The following ZSWIM6 variants were observed in gnomAD, a reference collection of about 807,000 sequenced individuals.
The protein encoded by ZSWIM6 is zinc finger SWIM domain-containing protein 6.
A neutral mutation model predicts 113.2 loss-of-function variants in ZSWIM6; 9 were observed. The observed-to-expected ratio is 0.08, with a 90% CI of 0.05 to 0.14. The LOEUF is 0.14. Ranked by LOEUF, ZSWIM6 falls within the 10% of genes least tolerant of loss-of-function variation. The probability of loss-of-function intolerance (pLI) is 1.00; values close to 1 mark genes in which losing one functional copy is unlikely to be tolerated. For synonymous variants in ZSWIM6, 611 were observed against 606.5 expected (o/e 1.01, Z -0.11); for missense variants, 1,162 against 1,552.2 (o/e 0.75, Z 4.22).
At chr5:61,459,953 G>A (rs1368788274) in intron 1 of ZSWIM6, among the ~76,000 whole-genome samples, 1 of 152,162 alleles carries the variant, frequency 6.6e-6, no homozygotes, top group East Asian at 1.9e-4. Flanking sequence ...GTGGTATTCT[G>A]TTTACTCAAA....
At chr5:61,532,287 C>G (rs185442313) in intron 9 of ZSWIM6, among the ~76,000 whole-genome samples, 379 of 152,274 alleles carry the variant, frequency 2.5e-3, no homozygotes, top group Admixed American at 0.01. Flanking sequence ...TTCATAGAAT[C>G]TGAGGCACGG....
intron 2 of ZSWIM6, among the ~76,000 whole-genome samples, chr5:61,478,707 G>GTT (rs1747773736): frequency 1.2e-5 from 1 of 84,194 alleles, no homozygotes; most frequent in African/African-American, 5.6e-5. Flanking sequence ...GTGTGTGTTT[G>GTT]TGTGTGTGTG....
At chr5:61,345,028 G>A (rs372656804) in intron 1 of ZSWIM6, among the ~76,000 whole-genome samples, 3 of 152,156 alleles carry the variant, frequency 2.0e-5, no homozygotes, top group African/African-American at 4.8e-5. Context: ...CAGGTCAGAC[G>A]TGTAATCCAG....
At chr5:61,523,407 C>G (rs1369515643) in intron 5 of ZSWIM6, among the ~76,000 whole-genome samples, 1 of 152,046 alleles carries the variant, frequency 6.6e-6, no homozygotes, top group Non-Finnish European at 1.5e-5. Flanking sequence ...CAATCTATAC[C>G]CTTTGAAAGA....
In ZSWIM6 at chr5:61,530,077, G is replaced by C; in HGVS notation, c.1863G>C (p.Ser621=). 6.4e-7 allele frequency: 1 copy of C among 1,550,876 alleles called. No homozygotes were observed. Among genetic ancestry groups the C allele is most frequent in the Non-Finnish European group, 8.7e-7 (1 of 1,146,576 alleles). ...AGCTACCCCATAAAAACATAACCTC[G>C]ATAACCAATCTGGAGGGCTGGGTTG... The part of the protein sequence containing the change: ...KKELPHKNIT[S]ITNLEGWVGH... Residue 621 remains serine, a synonymous_variant, in exon 8 of 14, where the codon TCG becomes TCC. Coordinates refer to ENST00000252744, the MANE Select transcript of ZSWIM6 (RefSeq NM_020928.2).
intron 1 of ZSWIM6, among the ~76,000 whole-genome samples, chr5:61,343,811 A>G (rs1744597490): frequency 6.6e-6 from 1 of 151,894 alleles, no homozygotes; most frequent in Admixed American, 6.6e-5. Flanking sequence ...TTAAATATGT[A>G]ATATGTTAGC....
At chr5:61,504,033 C>T (rs1421219666) in intron 4 of ZSWIM6, among the ~76,000 whole-genome samples, 2 of 152,092 alleles carry the variant, frequency 1.3e-5, no homozygotes, top group East Asian at 3.8e-4. Flanking sequence ...ATAATTGAAG[C>T]TCAGTAAATA....
intron 1 of ZSWIM6, among the ~76,000 whole-genome samples, chr5:61,467,067 A>G (rs1475985201): frequency 1.3e-5 from 2 of 152,208 alleles, no homozygotes; most frequent in Non-Finnish European, 2.9e-5. Flanking sequence ...ATAATGCCAC[A>G]TCAATATGGC....
intron 2 of ZSWIM6, among the ~76,000 whole-genome samples, chr5:61,474,994 A>G (rs1488749444): frequency 6.6e-6 from 1 of 152,018 alleles, no homozygotes; most frequent in African/African-American, 2.4e-5. Flanking sequence ...AGGTACCTTC[A>G]GCCCTCCAAA....
intron 1 of ZSWIM6, among the ~76,000 whole-genome samples, chr5:61,444,164 T>C (rs566597770): frequency 6.9e-6 from 1 of 144,050 alleles, no homozygotes. Context: ...GTTCTCATTG[T>C]TCAATTCCCA....
chr5:61,432,461 A>G, intron 1 of ZSWIM6, among the ~76,000 whole-genome samples: 1 of 152,202 alleles, frequency 6.6e-6, no homozygotes, highest in Non-Finnish European at 1.5e-5. Flanking sequence ...AATGAACTGA[A>G]TCCGTGTTGT....
chr5:61,436,924 C>G (rs149256341), intron 1 of ZSWIM6, among the ~76,000 whole-genome samples: 111 of 152,230 alleles, frequency 7.3e-4, no homozygotes, highest in African/African-American at 2.6e-3. Flanking sequence ...TTCCACTGCC[C>G]ATAATCTAAT....
chr5:61,422,944 A>G (rs951231821), intron 1 of ZSWIM6, among the ~76,000 whole-genome samples: 79 of 152,344 alleles, frequency 5.2e-4, no homozygotes, highest in African/African-American at 1.9e-3. Flanking sequence ...CAGAACAAAT[A>G]GTTTTTTAAT....
intron 1 of ZSWIM6, among the ~76,000 whole-genome samples, chr5:61,369,399 A>G (rs372556176): frequency 3.3e-5 from 5 of 152,216 alleles, no homozygotes; most frequent in East Asian, 3.8e-4. Context: ...TGTCCCAATA[A>G]AAGAGCATTC....
Position 61,435,784 on chromosome 5 carries a change from G to A in ZSWIM6, c.677-36897G>A, listed in dbSNP as rs1746692895. On this transcript the variant is annotated intron_variant, in intron 1 of 13. Coordinates refer to ENST00000252744, the MANE Select transcript of ZSWIM6 (RefSeq NM_020928.2). ...TGGTGGTAGTTTTAGATGACAGAGA[G>A]CTTAGATTTTTTTTTAATTTTTTGA... Among the ~76,000 whole-genome samples, 2 of 152,190 alleles carry A rather than the reference G, an allele frequency of 1.3e-5. 1 individual carries two copies. The highest frequency in any genetic ancestry group is 3.9e-4 in the East Asian group (2 of 5,180).
chr5:61,462,859 C>T (rs975089617), intron 1 of ZSWIM6, among the ~76,000 whole-genome samples: 1 of 152,140 alleles, frequency 6.6e-6, no homozygotes, highest in Non-Finnish European at 1.5e-5. Flanking sequence ...TGATGGAGCT[C>T]GAAGGAAGAC....
intron 1 of ZSWIM6, among the ~76,000 whole-genome samples, chr5:61,336,662 G>T (rs1744405096): frequency 6.6e-6 from 1 of 152,088 alleles, no homozygotes; most frequent in Non-Finnish European, 1.5e-5. Context: ...AGCTGAGGCA[G>T]AAGAATGGCT....
chr5:61,544,484 T>A lies in ZSWIM6; in HGVS notation c.*167T>A. ...TAAATTGTCATGTTGTGAAAGTTTG[T>A]GTGTTTTTTATTTTTTCCCTATTTC... On this transcript the variant is annotated 3_prime_UTR_variant, in exon 14 of 14. Coordinates refer to ENST00000252744, the MANE Select transcript of ZSWIM6 (RefSeq NM_020928.2). The A allele has an allele frequency of 2.7e-6, 1 of 373,714 alleles. No homozygotes were observed. Among genetic ancestry groups the A allele is most frequent in the Non-Finnish European group, 4.7e-6 (1 of 211,986 alleles). The allele number at this position is 373,714 out of a possible 1,614,324, so 23.1% of individuals were successfully genotyped here.
chr5:61,493,317 G>GTGC (rs1748229787), intron 3 of ZSWIM6, among the ~76,000 whole-genome samples: 2 of 152,086 alleles, frequency 1.3e-5, no homozygotes, highest in Non-Finnish European at 2.9e-5. Flanking sequence ...TTAAGTGAGA[G>GTGC]AGAACCTTTA....
Sources: gnomAD v4.1 joint callset for allele counts (sites outside exome capture counted in the v4.1 genomes callset) on GRCh38, gnomAD v4.1.1 for gene constraint, MANE v1.5 for transcripts, NCBI Gene and HGNC (gene_info 2026-07-23, HGNC 2026-07-21) for gene names.